The following EFCAB13 variants were observed in gnomAD, a reference collection of about 807,000 sequenced individuals.
EFCAB13 encodes EF-hand calcium binding domain 13, also known as EF-hand calcium-binding domain-containing protein 13.
In EFCAB13, 91 loss-of-function variants were observed where a neutral mutation model predicts 110.2. The ratio of observed to expected loss-of-function variants is 0.83; its 90% CI spans 0.70 to 0.98. EFCAB13 has a LOEUF of 0.98. Ranked by LOEUF, EFCAB13 falls within the 50% of genes least tolerant of loss-of-function variation. The pLI is 0.00. For missense variants in EFCAB13, 968 were observed against 1,119.4 expected, an observed-to-expected ratio of 0.86 and a Z score of 1.93; for synonymous variants, 323 against 369.9, an observed-to-expected ratio of 0.87 and a Z score of 1.45.
intron 5 of EFCAB13, among the ~76,000 whole-genome samples, chr17:47,341,609 C>G (rs535685903): frequency 6.6e-6 from 1 of 152,114 alleles, no homozygotes; most frequent in Non-Finnish European, 1.5e-5. Flanking sequence ...AATCTGCCCA[C>G]CTTGGCCTCC....
chr17:47,349,625 TTTATC>T (rs1315726748), intron 9 of EFCAB13, among the ~76,000 whole-genome samples: 16 of 152,152 alleles, frequency 1.1e-4, no homozygotes, highest in Admixed American at 3.9e-4. Context: ...AGTTGCCACT[TTTATC>T]TTATGTTCTT....
chr17:47,404,163 A>G, intron 19 of EFCAB13, 142 bp downstream of exon 19: 1 of 697,444 alleles, frequency 1.4e-6, no homozygotes, highest in Non-Finnish European at 2.2e-6. Flanking sequence ...TTTTGCAGTT[A>G]TGAGAATACT....
At chr17:47,375,120 G>T (rs1260011127) in intron 12 of EFCAB13, among the ~76,000 whole-genome samples, 154 bp downstream of exon 12, 1 of 151,700 alleles carries the variant, frequency 6.6e-6, no homozygotes, top group Non-Finnish European at 1.5e-5. Context: ...ATAGAGACAG[G>T]GTTACCCAGG....
chr17:47,420,935 C>G (rs1389657763), intron 23 of EFCAB13, among the ~76,000 whole-genome samples: 1 of 150,152 alleles, frequency 6.7e-6, no homozygotes, highest in Non-Finnish European at 1.5e-5. Flanking sequence ...GCCGCCCCTA[C>G]TGGGAAGTGA....
intron 9 of EFCAB13, among the ~76,000 whole-genome samples, chr17:47,349,204 A>G (rs1417184669): frequency 3.3e-5 from 5 of 152,202 alleles, no homozygotes; most frequent in Non-Finnish European, 7.3e-5. Flanking sequence ...GACAATTGGA[A>G]GCACTGAAGT....
intron 14 of EFCAB13, among the ~76,000 whole-genome samples, chr17:47,383,919 C>T (rs1480955503): frequency 1.3e-5 from 2 of 152,058 alleles, no homozygotes; most frequent in Admixed American, 6.5e-5. Flanking sequence ...CTTGAGCTGT[C>T]GACTATTGAT....
At position 47,440,642 on chromosome 17, in the gene EFCAB13, G is replaced by T. The variant is rs776915027; in HGVS notation, c.2850G>T (p.Lys950Asn). ...ACAATATGAATATAAAACAACACAA[G>T]ATTAGTTTACATAACTTCTGTTTGA... The part of the protein sequence containing the change: ...KQYNMNIKQH[K>N]ISLHNFCLNS... Residue 950 changes from lysine to asparagine, a missense_variant, in exon 25 of 25, where the codon AAG becomes AAT. By Grantham distance (94) the Lys-to-Asn change is moderately conservative (BLOSUM62 0). Coordinates refer to ENST00000331493, the MANE Select transcript of EFCAB13 (RefSeq NM_152347.5). 1.9e-6 allele frequency: 3 copies of T among 1,608,364 alleles called. No individual in the cohort carries two copies. Among genetic ancestry groups the T allele is most frequent in the East Asian group, 2.2e-5 (1 of 44,656 alleles).
chr17:47,327,886 GA>G (rs1335876967), intron 3 of EFCAB13, among the ~76,000 whole-genome samples: 1 of 152,176 alleles, frequency 6.6e-6, no homozygotes, highest in Non-Finnish European at 1.5e-5. Context: ...GTGATCTTGG[GA>G]AACTTGACCT....
chr17:47,415,242 TG>T (rs1904400915), intron 23 of EFCAB13, among the ~76,000 whole-genome samples: 1 of 144,620 alleles, frequency 6.9e-6, no homozygotes, highest in Non-Finnish European at 1.5e-5. Context: ...TGTTATGGGG[TG>T]GGGGGACAGG....
chr17:47,328,129 C>A (rs1283177441), intron 3 of EFCAB13, 140 bp from the exon 4 acceptor site: 1 of 506,176 alleles, frequency 2.0e-6, no homozygotes, highest in Non-Finnish European at 3.6e-6. Flanking sequence ...TAGTGTTTGC[C>A]CACATATCTG....
intron 6 of EFCAB13, 136 bp from the exon 7 acceptor site, chr17:47,344,026 G>T: frequency 1.0e-6 from 1 of 971,262 alleles, no homozygotes. Flanking sequence ...ATTACAAAAG[G>T]CAATTTTACA....
chr17:47,439,092 T>C (rs1905264093), intron 24 of EFCAB13, among the ~76,000 whole-genome samples: 1 of 152,058 alleles, frequency 6.6e-6, no homozygotes, highest in African/African-American at 2.4e-5. Flanking sequence ...CTCATTGATA[T>C]TATCCATGTT....
At chr17:47,324,973 G>T in intron 2 of EFCAB13, among the ~76,000 whole-genome samples, 1 of 95,466 alleles carries the variant, frequency 1.0e-5, no homozygotes, top group African/African-American at 3.8e-5. Context: ...AGTGTCCTCC[G>T]TGTTGTGAAA....
chr17:47,427,560 A>G (rs1194149244), intron 23 of EFCAB13, among the ~76,000 whole-genome samples: 1 of 152,080 alleles, frequency 6.6e-6, no homozygotes, highest in Non-Finnish European at 1.5e-5. Context: ...TATAAGGCTA[A>G]TAATGCTTCT....
intron 24 of EFCAB13, chr17:47,430,718 G>A (rs1905098819): frequency 6.6e-6 from 1 of 152,092 alleles, no homozygotes; most frequent in Non-Finnish European, 1.5e-5. Flanking sequence ...TGACATAGCT[G>A]TAATGCTATC....
intron 10 of EFCAB13, among the ~76,000 whole-genome samples, chr17:47,366,431 A>G (rs535804911): frequency 5.3e-4 from 81 of 152,076 alleles, no homozygotes; most frequent in Non-Finnish European, 1.0e-3. Flanking sequence ...CTACCTGAAG[A>G]TTACAGAAAT....
intron 19 of EFCAB13, 26 bp from the exon 20 acceptor site, chr17:47,404,536 T>C: frequency 6.3e-7 from 1 of 1,594,884 alleles, no homozygotes; most frequent in Non-Finnish European, 8.6e-7. Flanking sequence ...GGGTTCTTGT[T>C]TGTCATCTCT....
chr17:47,439,119 T>A (rs901628867), intron 24 of EFCAB13, among the ~76,000 whole-genome samples: 1 of 151,910 alleles, frequency 6.6e-6, no homozygotes, highest in Admixed American at 6.6e-5. Flanking sequence ...TATAAAGATA[T>A]TTCCTTATTC....
intron 5 of EFCAB13, among the ~76,000 whole-genome samples, chr17:47,340,944 T>C (rs2065381092): frequency 6.6e-6 from 1 of 151,974 alleles, no homozygotes; most frequent in African/African-American, 2.4e-5. Context: ...GGATCTATTA[T>C]GTATAAGTAG....
Sources: allele counts gnomAD v4.1 joint callset (sites outside exome capture counted in the v4.1 genomes callset), GRCh38; gene constraint gnomAD v4.1.1; transcripts MANE v1.5; gene names NCBI Gene and HGNC (gene_info 2026-07-23, HGNC 2026-07-21).